The following STARD13 variants were observed in gnomAD, a reference collection of about 807,000 sequenced individuals.
The protein encoded by STARD13 is stAR-related lipid transfer protein 13.
A neutral mutation model predicts 106.4 loss-of-function variants in STARD13; 62 were observed. The ratio of observed to expected loss-of-function variants is 0.58; its 90% CI spans 0.48 to 0.72. STARD13 has a LOEUF of 0.72. STARD13 is among the 30% of genes least tolerant of loss of function. STARD13 has a pLI of 0.00. For missense variants in STARD13, 1,387 were observed against 1,424.0 expected, an observed-to-expected ratio of 0.97 and a Z score of 0.42; for synonymous variants, 565 against 553.0, an observed-to-expected ratio of 1.02 and a Z score of -0.31.
intron 1 of STARD13, among the ~76,000 whole-genome samples, chr13:33,239,536 A>T (rs1463305216): frequency 6.6e-6 from 1 of 152,022 alleles, no homozygotes; most frequent in Non-Finnish European, 1.5e-5. Context: ...CATTGCCAAG[A>T]CTTCTTGTTT....
intron 13 of STARD13, among the ~76,000 whole-genome samples, chr13:33,106,206 G>A (rs1042675304): frequency 1.3e-5 from 2 of 152,242 alleles, no homozygotes; most frequent in Non-Finnish European, 2.9e-5. Context: ...GATCACCTGA[G>A]GTTGGGAGAT....
intron 9 of STARD13, among the ~76,000 whole-genome samples, chr13:33,112,452 T>C (rs1874722916): frequency 6.6e-6 from 1 of 152,232 alleles, no homozygotes; most frequent in South Asian, 2.1e-4. Context: ...ATCTCTATTA[T>C]CTACCTATCA....
the STARD13 span, among the ~76,000 whole-genome samples, chr13:33,451,699 G>A: frequency 6.6e-6 from 1 of 152,214 alleles, no homozygotes; most frequent in South Asian, 2.1e-4. Flanking sequence ...CGCTGAGATT[G>A]TTTAAGGAAA....
Position 33,238,010 on chromosome 13 carries a change from T to C in STARD13, c.169+47460A>G, listed in dbSNP as rs552595937. 5.1e-4 allele frequency among the ~76,000 whole-genome samples: 77 copies of C among 152,358 alleles called. No homozygotes were observed. In the South Asian group the frequency reaches 0.014, roughly 28 times the overall value. On this transcript the variant is annotated intron_variant, in intron 1 of 13. Transcript: ENST00000336934. ...CAGAGTAACTGATCAGTATCACTTATGAGTGGGATAGTATTAAGTAGAAAT... is the reference window on the plus strand; with the variant it reads ...CAGAGTAACTGATCAGTATCACTTACGAGTGGGATAGTATTAAGTAGAAAT...
chr13:33,370,106 A>C, the STARD13 span, among the ~76,000 whole-genome samples: 1 of 152,204 alleles, frequency 6.6e-6, no homozygotes, highest in Admixed American at 6.5e-5. Flanking sequence ...AAATGGGGAC[A>C]ATAATTTTCC....
At chr13:33,199,051 TAC>T (rs1350950820) in intron 1 of STARD13, among the ~76,000 whole-genome samples, 1 of 152,246 alleles carries the variant, frequency 6.6e-6, no homozygotes, top group African/African-American at 2.4e-5. Context: ...TTGAACACAT[TAC>T]ACACTTAAAG....
chr13:33,117,681 C>T (rs1271555019), intron 8 of STARD13: 1 of 936,000 alleles, frequency 1.1e-6, no homozygotes, highest in Non-Finnish European at 1.3e-6. Flanking sequence ...TTTGAATTTC[C>T]TATATCCCAA....
intron 4 of STARD13, among the ~76,000 whole-genome samples, chr13:33,139,018 A>G (rs1879457128): frequency 6.6e-6 from 1 of 152,208 alleles, no homozygotes; most frequent in African/African-American, 2.4e-5. Context: ...TGGACTTTTC[A>G]CATTCTTCCT....
At chr13:33,390,787 C>G in the STARD13 span, among the ~76,000 whole-genome samples, 1 of 152,080 alleles carries the variant, frequency 6.6e-6, no homozygotes, top group African/African-American at 2.4e-5. Flanking sequence ...CATTAAGATG[C>G]AAGAGTTCTT....
At chr13:33,142,032 G>A (rs565219322) in intron 4 of STARD13, among the ~76,000 whole-genome samples, 2 of 152,234 alleles carry the variant, frequency 1.3e-5, no homozygotes, top group South Asian at 4.1e-4. Flanking sequence ...GGTTCACGTT[G>A]CTTTTTTGTT....
chr13:33,648,783 C>CTTTTTTTTTTTTTTTTTT, the STARD13 span, among the ~76,000 whole-genome samples: 2 of 77,010 alleles, frequency 2.6e-5, no homozygotes, highest in African/African-American at 1.2e-4. Context: ...TTTTCTCTTT[C>CTTTTTTTTTTTTTTTTTT]TTTTTTTTTT....
chr13:33,148,891 G>C (rs761226616), intron 3 of STARD13, among the ~76,000 whole-genome samples: 2 of 152,186 alleles, frequency 1.3e-5, no homozygotes, highest in Non-Finnish European at 2.9e-5. Flanking sequence ...AAAGAGGTGA[G>C]CTATCAAGCC....
At chr13:33,170,255 A>G (rs1192075986) in intron 1 of STARD13, among the ~76,000 whole-genome samples, 2 of 152,218 alleles carry the variant, frequency 1.3e-5, no homozygotes, top group African/African-American at 2.4e-5. Flanking sequence ...GTATCAAAAT[A>G]TCTCATGTAC....
At chr13:33,446,179 A>G in the STARD13 span, among the ~76,000 whole-genome samples, 2 of 152,258 alleles carry the variant, frequency 1.3e-5, no homozygotes, top group African/African-American at 4.8e-5. Flanking sequence ...CTTATTTACC[A>G]TACTAAATTC....
the STARD13 span, among the ~76,000 whole-genome samples, chr13:33,600,026 C>A: frequency 6.6e-6 from 1 of 152,170 alleles, no homozygotes; most frequent in Non-Finnish European, 1.5e-5. Flanking sequence ...TTGCTCTCAC[C>A]CACAGGGAAC....
At chr13:33,661,766 A>T in the STARD13 span, among the ~76,000 whole-genome samples, 1 of 152,020 alleles carries the variant, frequency 6.6e-6, no homozygotes, top group African/African-American at 2.4e-5. Flanking sequence ...ACACATGGGG[A>T]TTGTTACAAT....
At chr13:33,489,327 G>A in the STARD13 span, among the ~76,000 whole-genome samples, 2 of 152,064 alleles carry the variant, frequency 1.3e-5, no homozygotes, top group African/African-American at 4.8e-5. Context: ...AACTTCCATA[G>A]GGCAACTCAC....
chr13:33,666,647 G>A, the STARD13 span, among the ~76,000 whole-genome samples: 1 of 151,974 alleles, frequency 6.6e-6, no homozygotes, highest in Non-Finnish European at 1.5e-5. Flanking sequence ...GTTGGGTGCA[G>A]TGGCGCGATC....
the STARD13 span, among the ~76,000 whole-genome samples, chr13:33,549,274 A>AT: frequency 2.6e-5 from 4 of 152,008 alleles, no homozygotes; most frequent in African/African-American, 9.7e-5. Flanking sequence ...GTCCTCATTT[A>AT]TTTTTTGTGT....
Sources: gnomAD v4.1 joint callset for allele counts (sites outside exome capture counted in the v4.1 genomes callset) on GRCh38, gnomAD v4.1.1 for gene constraint, MANE v1.5 for transcripts, NCBI Gene and HGNC (gene_info 2026-07-23, HGNC 2026-07-21) for gene names.